STIL: variants seen among roughly 807,000 people sequenced by gnomAD.
The protein encoded by STIL is STIL centriolar assembly protein.
A neutral mutation model predicts 110.1 loss-of-function variants in STIL; 55 were observed. That is an observed-to-expected ratio of 0.50 (90% CI 0.40 to 0.63). The LOEUF is 0.63. Among genes scored for constraint, STIL ranks in the 20% least tolerant of loss-of-function variants. The pLI, the probability that STIL is intolerant of heterozygous loss-of-function variation, is 0.00. For missense variants in STIL, 1,358 were observed against 1,530.0 expected, an observed-to-expected ratio of 0.89 and a Z score of 1.87; for synonymous variants, 481 against 530.0, an observed-to-expected ratio of 0.91 and a Z score of 1.27.
At chr1:47,268,385 G>A (rs1317035034) in intron 14 of STIL, among the ~76,000 whole-genome samples, 1 of 152,132 alleles carries the variant, frequency 6.6e-6, no homozygotes, top group Non-Finnish European at 1.5e-5. Flanking sequence ...GGCAGAGGTT[G>A]CAGTGAGCCA....
intron 13 of STIL, among the ~76,000 whole-genome samples, chr1:47,270,252 A>ACC: frequency 1.3e-5 from 1 of 74,638 alleles, no homozygotes; most frequent in African/African-American, 3.9e-5. Context: ...ATATATATAT[A>ACC]TATACACACA....
intron 15 of STIL, among the ~76,000 whole-genome samples, chr1:47,261,420 A>G (rs1225524780): frequency 6.6e-6 from 1 of 151,328 alleles, no homozygotes; most frequent in Non-Finnish European, 1.5e-5. Context: ...GAAAATAAAC[A>G]AATAAAAATA....
chr1:47,258,418 T>G (rs1354853102), intron 16 of STIL, among the ~76,000 whole-genome samples: 1 of 152,318 alleles, frequency 6.6e-6, no homozygotes, highest in African/African-American at 2.4e-5. Flanking sequence ...AATAAGAGAT[T>G]TGGCCTAAAG....
chr1:47,282,142 A>G (rs1207429323), intron 11 of STIL, among the ~76,000 whole-genome samples: 4 of 152,080 alleles, frequency 2.6e-5, no homozygotes, highest in Non-Finnish European at 5.9e-5. Context: ...ACATATGTAT[A>G]TATCATTACA....
chr1:47,250,795 G>T lies in STIL; in HGVS notation c.*341C>A, dbSNP rs1644162605. 1 of 218,550 alleles carries T rather than the reference G, an allele frequency of 4.6e-6. No homozygotes were observed. Among genetic ancestry groups the T allele is most frequent in the African/African-American group, 2.3e-5 (1 of 43,662 alleles). The allele number at this position is 218,550 out of a possible 1,614,324, so 13.5% of individuals were successfully genotyped here. The stretch of plus-strand genomic sequence containing the variant: ...ATCCTGCCATTGCACTCCAGCCTGG[G>T]CTACAAGAGCAAAACTCCGTCTCAA... On this transcript the variant is annotated 3_prime_UTR_variant, in exon 17 of 17. Transcript: ENST00000371877.
chr1:47,314,809 T>C (rs909933309), upstream of STIL, among the ~76,000 whole-genome samples: 5 of 151,328 alleles, frequency 3.3e-5, no homozygotes, highest in African/African-American at 1.2e-4. Flanking sequence ...CACCGCAACC[T>C]CGCCTCCCGA....
intron 14 of STIL, among the ~76,000 whole-genome samples, 163 bp downstream of exon 14, chr1:47,269,472 G>GT (rs1553171848): frequency 6.6e-6 from 1 of 152,126 alleles, no homozygotes; most frequent in Non-Finnish European, 1.5e-5. Flanking sequence ...CACAGAAAAA[G>GT]TTAAGTATGT....
chr1:47,310,885 TG>T (rs1213767172), intron 1 of STIL, among the ~76,000 whole-genome samples: 1 of 152,188 alleles, frequency 6.6e-6, no homozygotes, highest in Non-Finnish European at 1.5e-5. Context: ...AGTCTTGTTC[TG>T]TTGCTAGGCT....
chr1:47,259,480 G>A (rs1224045545), intron 16 of STIL, among the ~76,000 whole-genome samples: 7 of 151,322 alleles, frequency 4.6e-5, no homozygotes, highest in Admixed American at 1.3e-4. Context: ...TAGTAGAGAC[G>A]GGGTTTCACC....
chr1:47,279,745 A>AC (rs1553175258), intron 12 of STIL, among the ~76,000 whole-genome samples: 1 of 149,104 alleles, frequency 6.7e-6, no homozygotes, highest in African/African-American at 2.5e-5. Context: ...AAAAAAAAAA[A>AC]CAACAAAAAA....
intron 14 of STIL, among the ~76,000 whole-genome samples, chr1:47,265,765 GA>G (rs1199249035): frequency 1.6e-5 from 2 of 124,564 alleles, no homozygotes; most frequent in African/African-American, 6.1e-5. Context: ...CAACCTGGAT[GA>G]CAGAGCAAGA....
At chr1:47,262,282 G>T (rs141240007) in intron 15 of STIL, among the ~76,000 whole-genome samples, 334 of 152,162 alleles carry the variant, frequency 2.2e-3, no homozygotes, top group African/African-American at 7.7e-3. Context: ...TGACAGTCAG[G>T]GTTTCTCTAT....
chr1:47,275,144 TCATCAACAACAA>T (rs894075295), intron 12 of STIL, among the ~76,000 whole-genome samples: 2 of 65,250 alleles, frequency 3.1e-5, no homozygotes, highest in African/African-American at 1.4e-4. Context: ...AGACTCTGTC[TCATCAACAACAA>T]CAACAACAAC....
intron 16 of STIL, among the ~76,000 whole-genome samples, chr1:47,258,336 A>G (rs1050046539): frequency 2.0e-5 from 3 of 152,244 alleles, no homozygotes; most frequent in African/African-American, 7.2e-5. Flanking sequence ...GATCCTGCCT[A>G]TCTAGGAATT....
Position 47,251,069 on chromosome 1 carries a change from CCT to C in STIL, c.*65_*66del. The stretch of plus-strand genomic sequence containing the variant: ...ATGATCAGGAGCCTTGTGGTAGGCT[CCT>C]GTTTTCCCTAAGTATCTTCAGGAGA... On this transcript the variant is annotated 3_prime_UTR_variant, in exon 17 of 17. Coordinates refer to ENST00000371877, the MANE Select transcript of STIL (RefSeq NM_001048166.1). 2.0e-6 allele frequency: 3 copies of C among 1,488,352 alleles called. No individual in the cohort carries two copies. Among genetic ancestry groups the C allele is most frequent in the Non-Finnish European group, 2.7e-6 (3 of 1,093,266 alleles). The allele number at this position is 1,488,352 out of a possible 1,614,324, so 92.2% of individuals were successfully genotyped here. A position where few individuals can be genotyped will look rare whatever the true frequency, so the allele number is the denominator to read the frequency against.
intron 14 of STIL, among the ~76,000 whole-genome samples, chr1:47,265,716 G>T (rs546521549): frequency 7.9e-4 from 119 of 150,784 alleles, no homozygotes; most frequent in South Asian, 4.9e-3. Flanking sequence ...GGGAGGCGGA[G>T]GGTGCAGTGA....
chr1:47,300,752 G>A lies in STIL; in HGVS notation c.454-600C>T, dbSNP rs138649439. ...GCTGGGATTACAGGCGTAAGCCACC[G>A]TGCCTGGCCTCATAAAATAATTCCG... On this transcript the variant is annotated intron_variant, in intron 5 of 16. Transcript: ENST00000371877. 6.0e-3 allele frequency among the ~76,000 whole-genome samples: 915 copies of A among 152,260 alleles called. 4 individuals carry two copies. The highest frequency in any genetic ancestry group is 8.8e-3 in the Non-Finnish European group (600 of 68,020).
Position 47,262,915 on chromosome 1 carries a change from G to C in STIL, c.2817C>G (p.Tyr939Ter). 2 of 1,613,990 alleles carry C rather than the reference G, an allele frequency of 1.2e-6. No homozygotes were observed. Among genetic ancestry groups the C allele is most frequent in the Non-Finnish European group, 1.7e-6 (2 of 1,179,940 alleles). The change falls in exon 15 of 17, where the codon TAC (tyrosine) becomes TAG (stop). Residue 939 changes from tyrosine (Y) to a stop codon, truncating the protein, a stop_gained. Coordinates refer to ENST00000371877, the MANE Select transcript of STIL (RefSeq NM_001048166.1). LOFTEE classifies it high-confidence loss of function. ...LHQPSDNQKI[Y>*]QDLLGQVNHL... ...TACATTTTCTTACCAATAAATCCTG[G>C]TAAATTTTCTGGTTATCTGATGGTT...
intron 1 of STIL, among the ~76,000 whole-genome samples, chr1:47,311,191 C>T (rs1330514779): frequency 2.0e-5 from 3 of 151,590 alleles, no homozygotes; most frequent in African/African-American, 7.3e-5. Flanking sequence ...GTACTATCCT[C>T]CACTCCCATT....
Sources: gnomAD v4.1 joint callset for allele counts (sites outside exome capture counted in the v4.1 genomes callset) on GRCh38, gnomAD v4.1.1 for gene constraint, MANE v1.5 for transcripts, NCBI Gene and HGNC (gene_info 2026-07-23, HGNC 2026-07-21) for gene names.